Variants in ALK observed in about 807,000 individuals in gnomAD.
ALK encodes ALK receptor tyrosine kinase, also known as ALK tyrosine kinase receptor.
In ALK, 74 loss-of-function variants were observed where a neutral mutation model predicts 163.1. That is an observed-to-expected ratio of 0.45 (90% CI 0.38 to 0.55). The LOEUF (loss-of-function observed/expected upper bound fraction) is 0.55, where lower values mean the gene tolerates loss of function less well. Ranked by LOEUF, ALK falls within the 20% of genes least tolerant of loss-of-function variation. The pLI, the probability that ALK is intolerant of heterozygous loss-of-function variation, is 0.00. For synonymous variants in ALK, 960 were observed against 843.2 expected (o/e 1.14, Z -2.40); for missense variants, 2,063 against 2,105.3 (o/e 0.98, Z 0.39).
intron 2 of ALK, among the ~76,000 whole-genome samples, chr2:29,700,919 C>T (rs949267411): frequency 6.6e-6 from 1 of 152,160 alleles, no homozygotes; most frequent in African/African-American, 2.4e-5. Context: ...GAAATATAGC[C>T]TCTAGGAATG....
chr2:29,818,323 G>T (rs888403897), intron 1 of ALK, among the ~76,000 whole-genome samples: 3 of 152,126 alleles, frequency 2.0e-5, no homozygotes, highest in Non-Finnish European at 2.9e-5. Flanking sequence ...CCTTTTCCCT[G>T]GCCTATTTTT....
rs1667730377 is a variant in ALK at position 29,339,576 on chromosome 2, T to C, written c.1283-11095A>G. Among the ~76,000 whole-genome samples, 4 of 152,188 alleles carry C rather than the reference T, an allele frequency of 2.6e-5. No homozygotes were observed. The South Asian group carries it at 8.3e-4, about 32-fold the overall frequency. ...ATCTAAGTCTTTAGAAAGATCATTC[T>C]GAGTGATTCCGGAAGAATGGATGGA... On this transcript the variant is annotated intron_variant, in intron 5 of 28. Transcript: ENST00000389048.
chr2:29,723,967 T>C (rs1679492670), intron 1 of ALK, among the ~76,000 whole-genome samples: 1 of 152,224 alleles, frequency 6.6e-6, no homozygotes, highest in Admixed American at 6.5e-5. Context: ...ACTACCCAAA[T>C]TGCAGCCGAT....
rs561058505 is a variant in ALK, at chr2:29,820,326, A to G, written c.667+99667T>C. Among the ~76,000 whole-genome samples, 7 of 152,326 alleles carry G rather than the reference A, an allele frequency of 4.6e-5. No homozygotes were observed. The East Asian group carries it at 1.4e-3, about 29-fold the overall frequency. On this transcript the variant is annotated intron_variant, in intron 1 of 28. Transcript: ENST00000389048. ...GAGCCATTATGGAAGCAGATTCTCC[A>G]GCTCCATTGAAGCCCTCAGATGACT...
At chr2:29,628,786 G>A (rs572668417) in intron 3 of ALK, among the ~76,000 whole-genome samples, 1 of 152,246 alleles carries the variant, frequency 6.6e-6, no homozygotes, top group Non-Finnish European at 1.5e-5. Flanking sequence ...AAACTAAGCA[G>A]TAAATGAGAA....
At chr2:29,290,409 C>A (rs1254537820) in intron 9 of ALK, among the ~76,000 whole-genome samples, 1 of 152,180 alleles carries the variant, frequency 6.6e-6, no homozygotes, top group Non-Finnish European at 1.5e-5. Context: ...AGCAGAGGGT[C>A]AGTAGGCGAG....
intron 1 of ALK, among the ~76,000 whole-genome samples, chr2:29,838,859 G>T (rs1665632010): frequency 6.6e-6 from 1 of 152,078 alleles, no homozygotes; most frequent in African/African-American, 2.4e-5. Flanking sequence ...GCATGCAGTT[G>T]TCAAAACTCA....
chr2:29,251,187 A>G lies in ALK; in HGVS notation c.2122T>C (p.Ser708Pro), dbSNP rs2148197461. Residue 708 changes from serine to proline, a missense_variant, in exon 12 of 29, where the codon TCC becomes CCC. Coordinates refer to ENST00000389048, the MANE Select transcript of ALK (RefSeq NM_004304.5). ...QAQCNNAYQN[S>P]NLSVEVGSEG... ...CTCCCCACCTCCACGCTCAGGTTGG[A>G]GTTCTGGTAGGCGTTGTTGCACTGT... 6.2e-7 allele frequency: 1 copy of G among 1,614,050 alleles called. No homozygotes were observed. The highest frequency in any genetic ancestry group is 8.5e-7 in the Non-Finnish European group (1 of 1,179,984).
chr2:29,274,970 G>A (rs531284461), intron 11 of ALK, 129 bp downstream of exon 11: 1 of 1,247,010 alleles, frequency 8.0e-7, no homozygotes, highest in African/African-American at 1.5e-5. Context: ...TCAGAGTGTA[G>A]GTGATACTCC....
chr2:29,236,776 A>C (rs1664397266), intron 13 of ALK, among the ~76,000 whole-genome samples: 1 of 151,988 alleles, frequency 6.6e-6, no homozygotes, highest in South Asian at 2.1e-4. Context: ...GGGTCCCTTA[A>C]GCTCGGTCTT....
In ALK at chr2:29,250,357, C is replaced by T. The variant is rs554223164; in HGVS notation, c.2204+748G>A. 1.3e-3 allele frequency among the ~76,000 whole-genome samples: 204 copies of T among 152,294 alleles called. 1 individual carries two copies. In the Middle Eastern group the frequency reaches 0.014, roughly 10 times the overall value. On this transcript the variant is annotated intron_variant, in intron 12 of 28. Transcript: ENST00000389048. ...CCTAGTCATAGAGCTCGTTTGGGGG[C>T]CACCCAGGTTTATTTAAGTCCAAGA...
At chr2:29,671,438 T>C (rs1388944112) in intron 3 of ALK, among the ~76,000 whole-genome samples, 1 of 152,064 alleles carries the variant, frequency 6.6e-6, no homozygotes, top group African/African-American at 2.4e-5. Context: ...GAGACGGCAG[T>C]CCTACCTTTG....
chr2:29,370,702 C>T (rs530506182), intron 5 of ALK, among the ~76,000 whole-genome samples: 1 of 152,266 alleles, frequency 6.6e-6, no homozygotes, highest in African/African-American at 2.4e-5. Flanking sequence ...GTGGCTGGCC[C>T]TTCCTGTTAA....
chr2:29,288,327 C>G (rs1665913999), intron 9 of ALK, among the ~76,000 whole-genome samples: 1 of 152,142 alleles, frequency 6.6e-6, no homozygotes, highest in Non-Finnish European at 1.5e-5. Flanking sequence ...CTCGTCTTGT[C>G]CTGGTTTTTC....
chr2:29,207,347 G>A, intron 25 of ALK, 75 bp from the exon 26 acceptor site: 1 of 1,162,614 alleles, frequency 8.6e-7, no homozygotes, highest in Non-Finnish European at 1.3e-6. Flanking sequence ...GGAAAGTTGA[G>A]AAAGTGGCAA....
intron 4 of ALK, among the ~76,000 whole-genome samples, chr2:29,447,129 C>T (rs1394308614): frequency 2.0e-5 from 3 of 152,150 alleles, no homozygotes; most frequent in East Asian, 1.9e-4. Flanking sequence ...CTGGCAAACA[C>T]GTGGGTGGAG....
chr2:29,303,339 C>G (rs1178123848), intron 8 of ALK, among the ~76,000 whole-genome samples: 1 of 152,058 alleles, frequency 6.6e-6, no homozygotes, highest in Non-Finnish European at 1.5e-5. Flanking sequence ...GAGATACCAT[C>G]TCACACCAGT....
intron 28 of ALK, among the ~76,000 whole-genome samples, chr2:29,194,310 C>G (rs1668968928): frequency 6.6e-6 from 1 of 151,292 alleles, no homozygotes; most frequent in Non-Finnish European, 1.5e-5. Flanking sequence ...AAATAAAAGC[C>G]TATGTGTTTG....
At chr2:29,797,004 A>C (rs113989376) in intron 1 of ALK, among the ~76,000 whole-genome samples, 1,857 of 145,660 alleles carry the variant, frequency 0.013, 30 homozygotes, top group African/African-American at 0.044. Flanking sequence ...GCACACCCAC[A>C]CACACACACA....
Sources: allele counts gnomAD v4.1 joint callset (sites outside exome capture counted in the v4.1 genomes callset), GRCh38; gene constraint gnomAD v4.1.1; transcripts MANE v1.5; gene names NCBI Gene and HGNC (gene_info 2026-07-23, HGNC 2026-07-21).